The following LAG3 variants were observed in gnomAD, a reference collection of about 807,000 sequenced individuals.
LAG3 encodes the protein lymphocyte activating 3.
Under a neutral mutation model 49.0 loss-of-function variants are expected in LAG3, and 29 were observed. The observed-to-expected ratio is 0.59, with a 90% CI of 0.44 to 0.81. The LOEUF (loss-of-function observed/expected upper bound fraction) is 0.81. Ranked by LOEUF, LAG3 falls within the 30% of genes least tolerant of loss-of-function variation. LAG3 has a pLI of 0.00. For missense variants in LAG3, 693 were observed against 695.2 expected, an observed-to-expected ratio of 1.00 and a Z score of 0.04; for synonymous variants, 320 against 297.3, an observed-to-expected ratio of 1.08 and a Z score of -0.79.
rs770243423 is a variant in LAG3 at position 6,773,314 on chromosome 12, G to A, written c.181G>A (p.Val61Ile). Reference protein sequence around the residue: ...QDLSLLRRAGVTWQHQPDSGP... With the variant: ...QDLSLLRRAGITWQHQPDSGP... ...TCTCAGCCTTCTGCGAAGAGCAGGG[G>A]TCACTTGGCAGCATCAGCCAGACAG... Residue 61 changes from valine (V) to isoleucine (I), a missense_variant, in exon 2 of 8, where the codon GTC becomes ATC. By Grantham distance (29) the Val-to-Ile change is conservative. Transcript: ENST00000203629. This position sits in a 1 kb window ranked among gnomAD's most constrained non-coding sequence, Gnocchi z 5.5. 4.3e-6 allele frequency: 7 copies of A among 1,613,692 alleles called. No individual in the cohort carries two copies. The highest frequency in any genetic ancestry group is 3.3e-5 in the Admixed American group (2 of 59,956).
intron 5 of LAG3, among the ~76,000 whole-genome samples, chr12:6,775,992 C>T (rs1320228117): frequency 6.6e-6 from 1 of 152,086 alleles, no homozygotes; most frequent in Admixed American, 6.6e-5. Context: ...CAAGGGTTTT[C>T]CAAGACAGTA....
intron 3 of LAG3, 146 bp from the exon 4 acceptor site, chr12:6,774,449 G>A (rs1941881156): frequency 1.1e-6 from 1 of 900,630 alleles, no homozygotes; most frequent in African/African-American, 1.7e-5. Flanking sequence ...GGTGCTGGAA[G>A]CTGAGATGGG....
At chr12:6,775,227 C>G (rs368781152) in intron 4 of LAG3, 46 bp from the exon 5 acceptor site, 333 of 1,583,050 alleles carry the variant, frequency 2.1e-4, no homozygotes, top group Non-Finnish European at 2.6e-4. Flanking sequence ...CACTCCCTCC[C>G]CACTGCAGCA....
Position 6,772,633 on chromosome 12 carries a change from T to C in LAG3, c.-220T>C, listed in dbSNP as rs1941856294. On this transcript the variant is annotated 5_prime_UTR_variant, in exon 1 of 8. Coordinates refer to ENST00000203629, the MANE Select transcript of LAG3 (RefSeq NM_002286.6). Reference sequence around the variant, plus strand: ...CCCGCCCCCACCTCCTCAGGCTGCCTGATCTGCCCAGCTTTCCAGCTTTCC... The same window carrying C: ...CCCGCCCCCACCTCCTCAGGCTGCCCGATCTGCCCAGCTTTCCAGCTTTCC... 7.8e-6 allele frequency: 3 copies of C among 382,896 alleles called. No homozygotes were observed. The highest frequency in any genetic ancestry group is 1.4e-5 in the Non-Finnish European group (3 of 207,486). The allele number at this position is 382,896 out of a possible 1,614,324, so 23.7% of individuals were successfully genotyped here.
Position 6,773,581 on chromosome 12 carries a change from T to C in LAG3, c.207-116T>C. On this transcript the variant is annotated intron_variant, in intron 2 of 7. Coordinates refer to ENST00000203629, the MANE Select transcript of LAG3 (RefSeq NM_002286.6). This position sits in a 1 kb window ranked among gnomAD's most constrained non-coding sequence, Gnocchi z 5.5. The stretch of plus-strand genomic sequence containing the variant: ...AGAGGGGTCGGGCGTGAGGGGACGG[T>C]TGGTGGTCAAGAGAACTCTTGGGGC... The C allele has an allele frequency of 8.0e-7, 1 of 1,256,258 alleles. No individual in the cohort carries two copies. Among genetic ancestry groups the C allele is most frequent in the Non-Finnish European group, 1.0e-6 (1 of 971,026 alleles). The allele number at this position is 1,256,258 out of a possible 1,614,324, so 77.8% of individuals were successfully genotyped here. A position where few individuals can be genotyped will look rare whatever the true frequency, so the allele number is the denominator to read the frequency against.
At chr12:6,775,791 T>C in intron 5 of LAG3, 1 of 512,406 alleles carries the variant, frequency 2.0e-6, no homozygotes, top group East Asian at 3.3e-5. Context: ...TCCCCTGCTC[T>C]CAATTGGCGG....
In LAG3 at chr12:6,775,265, C is replaced by G. The variant is rs747863327; in HGVS notation, c.782-8C>G. 2 of 1,606,974 alleles carry G rather than the reference C, an allele frequency of 1.2e-6. No individual in the cohort carries two copies. Among genetic ancestry groups the G allele is most frequent in the African/African-American group, 2.7e-5 (2 of 74,648 alleles). ...CAGCTTTAACTTTGGGTTTTCTTTT[C>G]TCTTCAGGTCTGGAGCCCCCAACTC... is the stretch of plus-strand genomic sequence containing the variant. On this transcript the variant is annotated splice_region_variant and splice_polypyrimidine_tract_variant and intron_variant, in intron 4 of 7. Transcript: ENST00000203629.
At chr12:6,775,718 G>C in intron 5 of LAG3, 170 bp downstream of exon 5, 2,150 of 577,334 alleles carry the variant, frequency 3.7e-3, no homozygotes, top group East Asian at 4.3e-3. Context: ...CCATAATAAA[G>C]AAACGAAACT....
At position 6,773,169 on chromosome 12, in the gene LAG3, T is replaced by C. The variant is rs1176514187; in HGVS notation, c.59-23T>C. On this transcript the variant is annotated intron_variant, in intron 1 of 7. Transcript: ENST00000203629. The surrounding 1 kb of genome is among the most constrained non-coding windows in gnomAD (Gnocchi z 5.5). ...CCTCTCGGCTCACGCCCCCTCCCCT[T>C]GGCCTCTCTTTTGCTCACCTAGTGA... 10 of 1,599,280 alleles carry C rather than the reference T, an allele frequency of 6.3e-6. No individual in the cohort carries two copies. In the East Asian group the frequency reaches 2.2e-4, roughly 36 times the overall value.
chr12:6,774,574 GTCT>G lies in LAG3; in HGVS notation c.512-16_512-14del. On this transcript the variant is annotated intron_variant, in intron 3 of 7. Coordinates refer to ENST00000203629, the MANE Select transcript of LAG3 (RefSeq NM_002286.6). ...AAATTGTTTCCAGTGGGCTGATGAA[GTCT>G]TCTTTATCCTTGCACAGTGACTGCC... 2 of 1,600,796 alleles carry G rather than the reference GTCT, an allele frequency of 1.2e-6. No homozygotes were observed. The highest frequency in any genetic ancestry group is 1.7e-6 in the Non-Finnish European group (2 of 1,172,262).
chr12:6,775,460 G>C lies in LAG3; in HGVS notation c.969G>C (p.Val323=), dbSNP rs1313181374. 2 of 1,614,012 alleles carry C rather than the reference G, an allele frequency of 1.2e-6. No homozygotes were observed. Among genetic ancestry groups the C allele is most frequent in the Non-Finnish European group, 1.7e-6 (2 of 1,180,044 alleles). Reference sequence around the variant, plus strand: ...ACTTTACCCTTCGACTAGAGGATGTGAGCCAGGCCCAGGCTGGGACCTACA... The same window carrying C: ...ACTTTACCCTTCGACTAGAGGATGTCAGCCAGGCCCAGGCTGGGACCTACA... ...NGDFTLRLED[V]SQAQAGTYTC... is the part of the protein sequence containing the mutation. The change falls in exon 5 of 8, where the codon GTG becomes GTC. Residue 323 remains valine, a synonymous_variant. Coordinates refer to ENST00000203629, the MANE Select transcript of LAG3 (RefSeq NM_002286.6).
In LAG3 at chr12:6,772,886, C is replaced by T. The variant is rs984828883; in HGVS notation, c.34C>T (p.Leu12=). Residue 12 remains leucine, a synonymous_variant, in exon 1 of 8, where the codon CTG becomes TTG. Transcript: ENST00000203629. ...GGCTCAGTTCCTGGGCTTGCTGTTT[C>T]TGCAGCCGCTTTGGGTGGCTCCAGG... is the stretch of plus-strand genomic sequence containing the variant. The part of the protein sequence containing the change: ...WEAQFLGLLF[L]QPLWVAPVKP... 2.5e-6 allele frequency: 4 copies of T among 1,612,084 alleles called. No homozygotes were observed. The Admixed American group carries it at 6.7e-5, about 27-fold the overall frequency.
rs1375408333 is a variant in LAG3, at chr12:6,777,497, T to C, written c.1291T>C (p.Ser431Pro). The change falls in exon 6 of 8, where the codon TCT becomes CCT. Residue 431 changes from serine (S) to proline (P), a missense_variant. By Grantham distance (74) the Ser-to-Pro change is moderately conservative (BLOSUM62 -1). Coordinates refer to ENST00000203629, the MANE Select transcript of LAG3 (RefSeq NM_002286.6). Reference sequence around the variant, plus strand: ...AGCAGCAGTGTACTTCACAGAGCTGTCTAGCCCAGGTCCGAGGCCCCAGAA... The same window carrying C: ...AGCAGCAGTGTACTTCACAGAGCTGCCTAGCCCAGGTCCGAGGCCCCAGAA... ...LGAAVYFTEL[S>P]SPGAQRSGRA... 1 of 1,613,568 alleles carries C rather than the reference T, an allele frequency of 6.2e-7. No individual in the cohort carries two copies. Among genetic ancestry groups the C allele is most frequent in the East Asian group, 2.2e-5 (1 of 44,878 alleles).
chr12:6,773,713 G>GC lies in LAG3; in HGVS notation c.228dup (p.Gly77ArgfsTer48). 1 of 1,350,402 alleles carries GC rather than the reference G, an allele frequency of 7.4e-7. No homozygotes were observed. Among genetic ancestry groups the GC allele is most frequent in the Non-Finnish European group, 9.5e-7 (1 of 1,057,750 alleles). 83.7% of individuals were successfully genotyped at this position (1,350,402 alleles called of 1,614,324 possible). ...CCCGCCCAGTGGCCCGCCCGCTGCCGCCCCCGGCCATCCCCTGGCCCCCGG... is the reference window on the plus strand; with the variant it reads ...CCCGCCCAGTGGCCCGCCCGCTGCCGCCCCCCGGCCATCCCCTGGCCCCCGG... On this transcript the variant is annotated frameshift_variant, in exon 3 of 8. Transcript: ENST00000203629. LOFTEE classifies it high-confidence loss of function. This position sits in a 1 kb window ranked among gnomAD's most constrained non-coding sequence, Gnocchi z 5.5.
At position 6,773,866 on chromosome 12, in the gene LAG3, G is replaced by A. The variant is rs1388787906; in HGVS notation, c.376G>A (p.Gly126Ser). ...LQPRVQLDER[G>S]RQRGDFSLWL... The stretch of plus-strand genomic sequence containing the variant: ...GCCCCGCGTCCAGCTGGATGAGCGC[G>A]GCCGGCAGCGCGGGGACTTCTCGCT... Residue 126 changes from glycine to serine, a missense_variant, in exon 3 of 8, where the codon GGC becomes AGC. By Grantham distance (56) the Gly-to-Ser change is moderately conservative. Transcript: ENST00000203629. The surrounding 1 kb of genome is among the most constrained non-coding windows in gnomAD (Gnocchi z 5.5). 5.0e-6 allele frequency: 7 copies of A among 1,402,110 alleles called. No homozygotes were observed. The East Asian group carries it at 1.2e-4, about 24-fold the overall frequency. The allele number at this position is 1,402,110 out of a possible 1,614,324, so 86.9% of individuals were successfully genotyped here.
rs1343489128 is a variant in LAG3 at position 6,773,292 on chromosome 12, C to T, written c.159C>T (p.Leu53=). 1 of 1,613,912 alleles carries T rather than the reference C, an allele frequency of 6.2e-7. No individual in the cohort carries two copies. The highest frequency in any genetic ancestry group is 8.5e-7 in the Non-Finnish European group (1 of 1,179,914). Residue 53 remains leucine (L), a synonymous_variant, in exon 2 of 8, where the codon CTC becomes CTT. Transcript: ENST00000203629. This position sits in a 1 kb window ranked among gnomAD's most constrained non-coding sequence, Gnocchi z 5.5. ...GCCCCACAATCCCCCTCCAGGATCT[C>T]AGCCTTCTGCGAAGAGCAGGGGTCA... The part of the protein sequence containing the change: ...PCSPTIPLQD[L]SLLRRAGVTW...
intron 4 of LAG3, 114 bp downstream of exon 4, chr12:6,774,978 T>C (rs1166258085): frequency 9.5e-7 from 1 of 1,058,090 alleles, no homozygotes; most frequent in Admixed American, 2.1e-5. Flanking sequence ...GCCTACGTCA[T>C]TGCTGTGGGT....
chr12:6,774,033 G>A, intron 3 of LAG3, 32 bp downstream of exon 3: 2 of 1,389,878 alleles, frequency 1.4e-6, no homozygotes. Flanking sequence ...GAGAAGGGCT[G>A]GGAGGTGGGT....
At position 6,773,426 on chromosome 12, in the gene LAG3, G is replaced by A. The variant is rs1592495271; in HGVS notation, c.206+87G>A. ...CCGGTCCTCTGTCCCCTGCCCTGAGGTGTCACTCCCTCTGAAGCCAGTGAC... is the reference window on the plus strand; with the variant it reads ...CCGGTCCTCTGTCCCCTGCCCTGAGATGTCACTCCCTCTGAAGCCAGTGAC... On this transcript the variant is annotated intron_variant, in intron 2 of 7. Coordinates refer to ENST00000203629, the MANE Select transcript of LAG3 (RefSeq NM_002286.6). This position sits in a 1 kb window ranked among gnomAD's most constrained non-coding sequence, Gnocchi z 5.5. 6.7e-7 allele frequency: 1 copy of A among 1,494,188 alleles called. No individual in the cohort carries two copies. The highest frequency in any genetic ancestry group is 1.4e-5 in the African/African-American group (1 of 71,422). The allele number at this position is 1,494,188 out of a possible 1,614,324, so 92.6% of individuals were successfully genotyped here.
Sources: allele counts gnomAD v4.1 joint callset (sites outside exome capture counted in the v4.1 genomes callset), GRCh38; gene constraint gnomAD v4.1.1; non-coding constraint Gnocchi (gnomAD v3.1); transcripts MANE v1.5; gene names NCBI Gene and HGNC (gene_info 2026-07-23, HGNC 2026-07-21).